Variants in BEND2 observed in about 807,000 individuals in gnomAD.
The protein encoded by BEND2 is BEN domain-containing protein 2.
In BEND2, 19 loss-of-function variants were observed where a neutral mutation model predicts 43.8. That is an observed-to-expected ratio of 0.43 (90% CI 0.30 to 0.64). BEND2 has a LOEUF of 0.64. BEND2 is among the 30% of genes least tolerant of loss of function. The pLI, the probability that BEND2 is intolerant of heterozygous loss-of-function variation, is 0.11. For synonymous variants in BEND2, 226 were observed against 210.1 expected (o/e 1.08, Z -0.66); for missense variants, 544 against 574.0 (o/e 0.95, Z 0.53).
intron 6 of BEND2, among the ~76,000 whole-genome samples, chrX:18,197,772 C>A (rs1602045709): frequency 1.8e-5 from 2 of 111,162 alleles, no homozygotes; most frequent in African/African-American, 3.3e-5. Flanking sequence ...TGGCTGTGTC[C>A]CCACCCAAAT....
chrX:18,171,871 T>C (rs1923987836), intron 12 of BEND2, among the ~76,000 whole-genome samples: 1 of 112,143 alleles, frequency 8.9e-6, no homozygotes, highest in African/African-American at 3.2e-5. Context: ...TCCATGATTC[T>C]TCCTGAAATA....
intron 9 of BEND2, among the ~76,000 whole-genome samples, 161 bp from the exon 10 acceptor site, chrX:18,177,930 T>A (rs1274509492): frequency 8.9e-6 from 1 of 112,169 alleles, no homozygotes; most frequent in Non-Finnish European, 1.9e-5. Context: ...TGGGTGAATT[T>A]TTTTTCTATG....
intron 13 of BEND2, among the ~76,000 whole-genome samples, chrX:18,167,851 C>A (rs1240876276): frequency 1.8e-5 from 2 of 112,472 alleles, no homozygotes; most frequent in Non-Finnish European, 3.7e-5. Context: ...CAGGCATGAG[C>A]CACTGTGCCC....
chrX:18,183,061 A>AAG (rs1924447421), intron 8 of BEND2, among the ~76,000 whole-genome samples: 1 of 107,361 alleles, frequency 9.3e-6, no homozygotes, highest in Non-Finnish European at 1.9e-5. Context: ...AAAAAAAAAA[A>AAG]AAAAAGAACA....
chrX:18,190,617 T>C (rs925460022), intron 8 of BEND2, among the ~76,000 whole-genome samples: 10 of 111,045 alleles, frequency 9.0e-5, no homozygotes, highest in African/African-American at 3.3e-4. Flanking sequence ...GGAGTAGATA[T>C]GGTTATAAAA....
chrX:18,171,215 A>G lies in BEND2; in HGVS notation c.1982-11T>C, dbSNP rs1272238613. The G allele has an allele frequency of 8.4e-7, 1 of 1,186,956 alleles. No homozygotes were observed. Among genetic ancestry groups the G allele is most frequent in the Admixed American group, 2.2e-5 (1 of 45,079 alleles). On this transcript the variant is annotated splice_polypyrimidine_tract_variant and intron_variant, in intron 12 of 13. Coordinates refer to ENST00000380033, the MANE Select transcript of BEND2 (RefSeq NM_153346.5). The stretch of plus-strand genomic sequence containing the variant: ...GTCTTCCAAAATAGCCTAGAAGCAA[A>G]AAAGAAAGATGTCAATTTTCATAGC...
chrX:18,216,295 T>TG (rs1409236160), intron 2 of BEND2, among the ~76,000 whole-genome samples: 4 of 110,244 alleles, frequency 3.6e-5, no homozygotes, highest in African/African-American at 1.3e-4. Context: ...AGAGAATATA[T>TG]TCTCCCCAAT....
At chrX:18,216,772 C>T (rs1374478020) in intron 1 of BEND2, 39 bp from the exon 2 acceptor site, 1 of 1,011,944 alleles carries the variant, frequency 9.9e-7, no homozygotes, top group Non-Finnish European at 1.4e-6. Context: ...TTCAATATCA[C>T]ATTAAATAAA....
chrX:18,189,510 G>A (rs1383893610), intron 8 of BEND2, among the ~76,000 whole-genome samples: 4 of 110,848 alleles, frequency 3.6e-5, no homozygotes, highest in Non-Finnish European at 7.5e-5. Flanking sequence ...GTCTCAAAAC[G>A]AGCATTCATC....
intron 4 of BEND2, among the ~76,000 whole-genome samples, chrX:18,209,316 C>CT (rs1281619485): frequency 9.0e-6 from 1 of 111,314 alleles, no homozygotes; most frequent in Admixed American, 9.6e-5. Context: ...ATAATGGCTG[C>CT]TGCAGGTAAA....
rs1313519466 is a variant in BEND2 at position 18,201,412 on chromosome X, AAAAAAC to A, written c.1033+397_1033+402del. 2.8e-3 allele frequency among the ~76,000 whole-genome samples: 273 copies of A among 96,562 alleles called. 10 individuals are homozygous for A. The highest frequency in any genetic ancestry group is 0.011 in the African/African-American group (239 of 22,504). 83.9% of individuals were successfully genotyped at this position (96,562 alleles called of 115,157 possible). On this transcript the variant is annotated intron_variant, in intron 6 of 13. Transcript: ENST00000380033. ...ACTCCATCTCAAAAAAAAAAAAAAA[AAAAAAC>A]AAAAAAAAAAAAACTGGTGGATCAA... is the stretch of plus-strand genomic sequence containing the variant.
intron 8 of BEND2, among the ~76,000 whole-genome samples, chrX:18,183,669 G>C (rs1924472531): frequency 8.9e-6 from 1 of 112,059 alleles, no homozygotes; most frequent in Non-Finnish European, 1.9e-5. Flanking sequence ...CCTGAAGAGT[G>C]AGTCCCAGGC....
At chrX:18,220,188 C>G (rs558497186) in intron 1 of BEND2, among the ~76,000 whole-genome samples, 36 of 112,299 alleles carry the variant, frequency 3.2e-4, no homozygotes, top group South Asian at 2.6e-3. Context: ...AGGCTGTGCC[C>G]CAGCCGCTAT....
chrX:18,200,665 T>A (rs1925114684), intron 6 of BEND2, among the ~76,000 whole-genome samples: 1 of 110,969 alleles, frequency 9.0e-6, no homozygotes, highest in Non-Finnish European at 1.9e-5. Flanking sequence ...GTGACAAAAT[T>A]ATAAACAGAG....
intron 1 of BEND2, 100 bp from the exon 2 acceptor site, chrX:18,216,833 T>A (rs1925690869): frequency 1.5e-6 from 1 of 647,173 alleles, no homozygotes. Context: ...TTAAAAAACA[T>A]ATTTTAGCTG....
intron 5 of BEND2, among the ~76,000 whole-genome samples, chrX:18,203,152 TG>T (rs1007724203): frequency 5.4e-5 from 6 of 111,445 alleles, no homozygotes; most frequent in African/African-American, 1.6e-4. Flanking sequence ...AGGATGGGTT[TG>T]GTTATAGAAA....
At chrX:18,208,903 T>C (rs1925423578) in intron 4 of BEND2, among the ~76,000 whole-genome samples, 1 of 110,773 alleles carries the variant, frequency 9.0e-6, no homozygotes, top group African/African-American at 3.3e-5. Flanking sequence ...AGATCTCGGT[T>C]TCTAAATACC....
chrX:18,182,739 G>C (rs1026108252), intron 8 of BEND2, among the ~76,000 whole-genome samples: 1 of 111,171 alleles, frequency 9.0e-6, no homozygotes, highest in African/African-American at 3.3e-5. Context: ...CTCAGCAACT[G>C]ACAGGACAAC....
At position 18,177,741 on chromosome X, in the gene BEND2, G is replaced by C; in HGVS notation, c.1458C>G (p.Val486=). ...YGYLGDPKRN[V]RVLKIHLLAV... ...CCAGCAAATGGATTTTAAGTACTCT[G>C]ACATTTCTTTTTGGATCACCAAGAT... The change falls in exon 10 of 14, where the codon GTC becomes GTG. Residue 486 remains valine, a synonymous_variant. Coordinates refer to ENST00000380033, the MANE Select transcript of BEND2 (RefSeq NM_153346.5). 8.3e-7 allele frequency: 1 copy of C among 1,209,726 alleles called. No individual in the cohort carries two copies.
Sources: gnomAD v4.1 joint callset for allele counts (sites outside exome capture counted in the v4.1 genomes callset) on GRCh38, gnomAD v4.1.1 for gene constraint, MANE v1.5 for transcripts, NCBI Gene and HGNC (gene_info 2026-07-23, HGNC 2026-07-21) for gene names.